The following SNTG1 variants were observed in gnomAD, a reference collection of about 807,000 sequenced individuals.
The protein encoded by SNTG1 is syntrophin gamma 1.
Under a neutral mutation model 74.7 loss-of-function variants are expected in SNTG1, and 39 were observed. That is an observed-to-expected ratio of 0.52 (90% CI 0.40 to 0.68). SNTG1 has a LOEUF of 0.68. Among genes scored for constraint, SNTG1 ranks in the 30% least tolerant of loss-of-function variants. SNTG1 has a pLI of 0.00. For missense variants in SNTG1, 685 were observed against 609.5 expected (o/e 1.12, Z -1.30); for synonymous variants, 254 against 217.1 (o/e 1.17, Z -1.49).
intron 15 of SNTG1, among the ~76,000 whole-genome samples, chr8:50,703,698 C>A (rs151329162): frequency 2.1e-3 from 320 of 152,142 alleles, no homozygotes; most frequent in African/African-American, 7.3e-3. Flanking sequence ...GCTAGACTTA[C>A]ACAGCTGTCA....
At chr8:50,605,194 G>T (rs1260943666) in intron 13 of SNTG1, among the ~76,000 whole-genome samples, 1 of 152,184 alleles carries the variant, frequency 6.6e-6, no homozygotes, top group Non-Finnish European at 1.5e-5. Flanking sequence ...TCTGTGAGCT[G>T]CACAGCCTGA....
intron 2 of SNTG1, among the ~76,000 whole-genome samples, chr8:50,247,168 G>A (rs550470255): frequency 1.3e-5 from 2 of 152,234 alleles, no homozygotes; most frequent in South Asian, 2.1e-4. Flanking sequence ...TTTTCTGCAC[G>A]ATTTGTGTAT....
At chr8:50,629,371 A>G (rs1461313902) in intron 13 of SNTG1, among the ~76,000 whole-genome samples, 1 of 152,044 alleles carries the variant, frequency 6.6e-6, no homozygotes, top group East Asian at 1.9e-4. Flanking sequence ...TTACATAGAG[A>G]CTATGCTTGT....
chr8:50,186,127 T>C (rs930728664), intron 2 of SNTG1, among the ~76,000 whole-genome samples: 2 of 152,168 alleles, frequency 1.3e-5, no homozygotes, highest in Admixed American at 1.3e-4. Context: ...GTTAGTTTGC[T>C]GAGGATGATG....
intron 2 of SNTG1, among the ~76,000 whole-genome samples, chr8:50,194,540 T>A (rs2083693929): frequency 6.6e-6 from 1 of 152,152 alleles, no homozygotes; most frequent in Admixed American, 6.5e-5. Flanking sequence ...TCAGTGAGGT[T>A]ATTTGGATTT....
At chr8:50,758,892 G>A (rs1055970171) in intron 18 of SNTG1, among the ~76,000 whole-genome samples, 7 of 151,980 alleles carry the variant, frequency 4.6e-5, no homozygotes, top group Non-Finnish European at 8.8e-5. Flanking sequence ...TTGAGGAATC[G>A]CCACTCTGTC....
At chr8:50,201,983 C>T (rs573907328) in intron 2 of SNTG1, among the ~76,000 whole-genome samples, 3 of 152,192 alleles carry the variant, frequency 2.0e-5, no homozygotes, top group East Asian at 3.9e-4. Flanking sequence ...TTTTAACCCA[C>T]GTCTCCATGG....
At chr8:50,399,661 G>A (rs550472847) in intron 3 of SNTG1, among the ~76,000 whole-genome samples, 3 of 150,576 alleles carry the variant, frequency 2.0e-5, no homozygotes, top group African/African-American at 4.9e-5. Context: ...TGGCTTTGAT[G>A]TATCATTTCA....
rs34059510 is a variant in SNTG1, at chr8:50,564,118, G to GTT, written c.810+10950_810+10951dup. Among the ~76,000 whole-genome samples the GTT allele has an allele frequency of 6.9e-3, 1,001 of 145,126 alleles. 14 individuals are homozygous for GTT. Among genetic ancestry groups the GTT allele is most frequent in the African/African-American group, 0.024 (940 of 39,916 alleles). Reference sequence around the variant, plus strand: ...ATACAAGTGTCACATGTTGCAGTCCGTTTTTTTTTTTTAAAATAGAAATAT... The same window carrying GTT: ...ATACAAGTGTCACATGTTGCAGTCCGTTTTTTTTTTTTTTAAAATAGAAATAT... On this transcript the variant is annotated intron_variant, in intron 12 of 18. Coordinates refer to ENST00000642720, the MANE Select transcript of SNTG1 (RefSeq NM_018967.5).
At chr8:50,487,285 C>T (rs34880125) in intron 8 of SNTG1, among the ~76,000 whole-genome samples, 90,491 of 152,036 alleles carry the variant, frequency 0.6, 31,280 homozygotes, top group Non-Finnish European at 0.77. Flanking sequence ...TGTGGCGATT[C>T]CTTAGAGATC....
intron 18 of SNTG1, among the ~76,000 whole-genome samples, chr8:50,756,254 T>G (rs536328937): frequency 6.6e-6 from 1 of 151,998 alleles, no homozygotes; most frequent in South Asian, 2.1e-4. Context: ...ATTTTAATTT[T>G]AATGAGGTCC....
At chr8:50,331,206 C>A (rs917566687) in intron 2 of SNTG1, among the ~76,000 whole-genome samples, 4 of 152,088 alleles carry the variant, frequency 2.6e-5, no homozygotes, top group Non-Finnish European at 5.9e-5. Flanking sequence ...GACAGGTGGG[C>A]AGACACATGT....
At chr8:50,450,218 C>T (rs761740092) in intron 6 of SNTG1, among the ~76,000 whole-genome samples, 2 of 152,104 alleles carry the variant, frequency 1.3e-5, no homozygotes, top group Admixed American at 6.5e-5. Flanking sequence ...CCATAGCTGA[C>T]GGATTGAATG....
chr8:50,617,833 C>G (rs2094895683), intron 13 of SNTG1, among the ~76,000 whole-genome samples: 1 of 152,198 alleles, frequency 6.6e-6, no homozygotes, highest in Admixed American at 6.5e-5. Flanking sequence ...TTATAGATAC[C>G]ATAACCGATT....
intron 15 of SNTG1, among the ~76,000 whole-genome samples, chr8:50,660,702 C>T (rs1176132358): frequency 1.3e-5 from 2 of 152,040 alleles, no homozygotes; most frequent in African/African-American, 2.4e-5. Flanking sequence ...TAAATCCTCT[C>T]TTTTAAAAAA....
chr8:50,763,692 G>GTGTGTGTGTGTGT (rs1563817376), intron 18 of SNTG1, among the ~76,000 whole-genome samples: 4 of 133,224 alleles, frequency 3.0e-5, no homozygotes, highest in Admixed American at 7.8e-5. Context: ...GTGTGTGTGT[G>GTGTGTGTGTGTGT]GTTTTAAGAG....
At chr8:50,740,521 A>G (rs1421943686) in intron 17 of SNTG1, among the ~76,000 whole-genome samples, 1 of 152,090 alleles carries the variant, frequency 6.6e-6, no homozygotes, top group Non-Finnish European at 1.5e-5. Context: ...AGAAAAAGGA[A>G]AGCTTTTACC....
chr8:50,450,005 A>G (rs1177796995), intron 6 of SNTG1, among the ~76,000 whole-genome samples: 2 of 152,206 alleles, frequency 1.3e-5, no homozygotes, highest in Non-Finnish European at 1.5e-5. Context: ...TCATTAAACC[A>G]ACAAAGATAC....
intron 4 of SNTG1, among the ~76,000 whole-genome samples, chr8:50,430,806 C>A (rs1047244141): frequency 6.6e-6 from 1 of 152,128 alleles, no homozygotes; most frequent in African/African-American, 2.4e-5. Context: ...GTTCTTACAA[C>A]AGAGATGGTA....
Sources: gnomAD v4.1 joint callset for allele counts (sites outside exome capture counted in the v4.1 genomes callset) on GRCh38, gnomAD v4.1.1 for gene constraint, MANE v1.5 for transcripts, NCBI Gene and HGNC (gene_info 2026-07-23, HGNC 2026-07-21) for gene names.